MCC: variants seen among roughly 807,000 people sequenced by gnomAD.
MCC encodes the protein colorectal mutant cancer protein.
MCC carries 90 observed loss-of-function variants against 116.2 expected under a neutral mutation model. That is an observed-to-expected ratio of 0.77 (90% CI 0.65 to 0.92). The LOEUF (loss-of-function observed/expected upper bound fraction) is 0.92, where lower values mean the gene tolerates loss of function less well. Ranked by LOEUF, MCC falls within the 40% of genes least tolerant of loss-of-function variation. The pLI, the probability that MCC is intolerant of heterozygous loss-of-function variation, is 0.00. For missense variants in MCC, 1,516 were observed against 1,312.2 expected (o/e 1.16, Z -2.40); for synonymous variants, 578 against 510.5 (o/e 1.13, Z -1.78).
chr5:113,476,671 G>C (rs1007555748), intron 1 of MCC, among the ~76,000 whole-genome samples: 1 of 152,064 alleles, frequency 6.6e-6, no homozygotes. Flanking sequence ...GCAATAAAAG[G>C]CCACAGAATG....
At chr5:113,087,418 CT>C (rs1340664845) in intron 8 of MCC, among the ~76,000 whole-genome samples, 1 of 152,182 alleles carries the variant, frequency 6.6e-6, no homozygotes, top group Non-Finnish European at 1.5e-5. Context: ...AAATATATCC[CT>C]GTAGAAGCCA....
At chr5:113,352,288 C>CT (rs1412804136) in intron 2 of MCC, among the ~76,000 whole-genome samples, 1 of 152,126 alleles carries the variant, frequency 6.6e-6, no homozygotes, top group Admixed American at 6.5e-5. Flanking sequence ...TCCTTTTGCC[C>CT]TTTGAAGCAT....
intron 3 of MCC, among the ~76,000 whole-genome samples, chr5:113,194,454 C>G (rs904238087): frequency 6.6e-6 from 1 of 152,100 alleles, no homozygotes; most frequent in Admixed American, 6.5e-5. Flanking sequence ...TGCCTTAAGT[C>G]AGGAGTTCAA....
intron 3 of MCC, among the ~76,000 whole-genome samples, chr5:113,217,570 C>T (rs973544582): frequency 6.6e-6 from 1 of 152,196 alleles, no homozygotes; most frequent in East Asian, 1.9e-4. Context: ...AATACCAACA[C>T]ATTTAGCAAA....
chr5:113,119,582 G>A (rs1363725830), intron 6 of MCC, among the ~76,000 whole-genome samples: 2 of 152,224 alleles, frequency 1.3e-5, no homozygotes, highest in African/African-American at 4.8e-5. Flanking sequence ...GCGTGCTGAG[G>A]AAGCTAGAAG....
chr5:113,442,326 T>C (rs886219661), intron 1 of MCC, among the ~76,000 whole-genome samples: 6 of 152,238 alleles, frequency 3.9e-5, no homozygotes, highest in African/African-American at 1.4e-4. Context: ...GTTCATACAC[T>C]TTGCCTACCT....
At chr5:113,098,181 T>G (rs1485537671) in intron 8 of MCC, among the ~76,000 whole-genome samples, 1 of 152,216 alleles carries the variant, frequency 6.6e-6, no homozygotes, top group East Asian at 1.9e-4. Flanking sequence ...AAGCGCTGAT[T>G]ATTTTTGCCA....
Position 113,345,352 on chromosome 5 carries a change from G to A in MCC, c.416-4622C>T, listed in dbSNP as rs926885894. On this transcript the variant is annotated intron_variant, in intron 2 of 18. Transcript: ENST00000408903. ...TGGGGGAGCTCACTGCCCTGCAGGT[G>A]AGCACATAATCCTGGCTGGTTTCCC... Among the ~76,000 whole-genome samples the A allele has an allele frequency of 2.5e-4, 38 of 152,304 alleles. 1 individual carries two copies. Among genetic ancestry groups the A allele is most frequent in the African/African-American group, 9.1e-4 (38 of 41,572 alleles).
intron 1 of MCC, among the ~76,000 whole-genome samples, chr5:113,449,434 G>A (rs1279233449): frequency 6.6e-6 from 1 of 152,150 alleles, no homozygotes; most frequent in African/African-American, 2.4e-5. Context: ...CTATAACTGG[G>A]AGCTGAGAAA....
At chr5:113,422,835 A>G (rs1770377701) in intron 1 of MCC, among the ~76,000 whole-genome samples, 1 of 152,220 alleles carries the variant, frequency 6.6e-6, no homozygotes, top group Non-Finnish European at 1.5e-5. Flanking sequence ...TACTTGGTAG[A>G]TTTAATATAC....
rs1469469801 is a variant in MCC at position 113,024,322 on chromosome 5, C to T, written c.*2980G>A. On this transcript the variant is annotated 3_prime_UTR_variant, in exon 19 of 19. Transcript: ENST00000408903. ...GAGGATGAAAGTTTCAATAAGGAAT[C>T]ATACTGTTCCCCAGTCCATGACAGA... 1 of 152,244 alleles carries T rather than the reference C, an allele frequency of 6.6e-6. No individual in the cohort carries two copies. Among genetic ancestry groups the T allele is most frequent in the African/African-American group, 2.4e-5 (1 of 41,472 alleles). 9.4% of individuals were successfully genotyped at this position (152,244 alleles called of 1,614,324 possible). A position where few individuals can be genotyped will look rare whatever the true frequency, so the allele number is the denominator to read the frequency against.
intron 3 of MCC, among the ~76,000 whole-genome samples, chr5:113,221,665 C>T (rs1161760270): frequency 3.3e-5 from 5 of 152,188 alleles, no homozygotes; most frequent in Admixed American, 6.5e-5. Context: ...CTGGCACCAC[C>T]CAGGTGGATA....
chr5:113,244,001 C>T (rs898466045), intron 3 of MCC, among the ~76,000 whole-genome samples: 1 of 152,228 alleles, frequency 6.6e-6, no homozygotes, highest in Non-Finnish European at 1.5e-5. Flanking sequence ...GTTCAATACC[C>T]ACCAACAGTA....
intron 4 of MCC, among the ~76,000 whole-genome samples, chr5:113,147,260 T>C (rs1759577894): frequency 6.6e-6 from 1 of 152,190 alleles, no homozygotes; most frequent in South Asian, 2.1e-4. Flanking sequence ...TAAAATCCTT[T>C]AGGCTCATCC....
At chr5:113,369,219 G>C (rs1324905522) in intron 2 of MCC, among the ~76,000 whole-genome samples, 1 of 152,064 alleles carries the variant, frequency 6.6e-6, no homozygotes, top group African/African-American at 2.4e-5. Flanking sequence ...GAGGTTGGGG[G>C]CTGGGGCTTA....
At chr5:113,427,395 A>C (rs1770513010) in intron 1 of MCC, among the ~76,000 whole-genome samples, 1 of 152,218 alleles carries the variant, frequency 6.6e-6, no homozygotes, top group Non-Finnish European at 1.5e-5. Flanking sequence ...ACATGGAAGA[A>C]ACATACTGTT....
chr5:113,032,089 T>A (rs924127235), intron 17 of MCC, among the ~76,000 whole-genome samples: 4 of 152,102 alleles, frequency 2.6e-5, no homozygotes, highest in African/African-American at 9.7e-5. Flanking sequence ...CACAAAAAAA[T>A]GTAAAATATC....
At position 113,340,749 on chromosome 5, in the gene MCC, G is replaced by A; in HGVS notation, c.416-19C>T. The A allele has an allele frequency of 6.2e-7, 1 of 1,607,272 alleles. No homozygotes were observed. Among genetic ancestry groups the A allele is most frequent in the African/African-American group, 1.3e-5 (1 of 74,834 alleles). On this transcript the variant is annotated intron_variant, in intron 2 of 18. Coordinates refer to ENST00000408903, the MANE Select transcript of MCC (RefSeq NM_001085377.2). ...AAGGCACCTAAGTCCGAGAGAAGCA[G>A]AGAAAATGAAAAGACATTTCCTTCA...
At chr5:113,053,022 C>G (rs1752584700) in intron 15 of MCC, among the ~76,000 whole-genome samples, 1 of 152,172 alleles carries the variant, frequency 6.6e-6, no homozygotes, top group Admixed American at 6.5e-5. Flanking sequence ...AGAGCAGGTA[C>G]CAGGTGAAGG....
Sources: gnomAD v4.1 joint callset for allele counts (sites outside exome capture counted in the v4.1 genomes callset) on GRCh38, gnomAD v4.1.1 for gene constraint, MANE v1.5 for transcripts, NCBI Gene and HGNC (gene_info 2026-07-23, HGNC 2026-07-21) for gene names.